The following RUNX2 variants were observed in gnomAD, a reference collection of about 807,000 sequenced individuals.
RUNX2 encodes runt-related transcription factor 2.
Under a neutral mutation model 51.7 loss-of-function variants are expected in RUNX2, and 10 were observed. The observed-to-expected ratio is 0.19, with a 90% confidence interval of 0.12 to 0.33. RUNX2 has a LOEUF of 0.33. Ranked by LOEUF, RUNX2 falls within the 10% of genes least tolerant of loss-of-function variation. RUNX2 has a pLI of 1.00. For missense variants in RUNX2, 562 were observed against 691.3 expected (o/e 0.81, Z 2.10); for synonymous variants, 276 against 273.6 (o/e 1.01, Z -0.09).
chr6:45,454,243 C>T (rs1799257442), intron 5 of RUNX2, among the ~76,000 whole-genome samples: 1 of 152,180 alleles, frequency 6.6e-6, no homozygotes, highest in African/African-American at 2.4e-5. Flanking sequence ...AACCCACTGT[C>T]AGATATAGGT....
At chr6:45,354,090 C>T (rs1254130672) in intron 2 of RUNX2, among the ~76,000 whole-genome samples, 1 of 152,046 alleles carries the variant, frequency 6.6e-6, no homozygotes, top group Admixed American at 6.6e-5. Flanking sequence ...GATAGAAATA[C>T]ATTAGTTCAA....
chr6:45,412,409 A>G (rs1387947636), intron 2 of RUNX2, among the ~76,000 whole-genome samples: 1 of 152,048 alleles, frequency 6.6e-6, no homozygotes, highest in Non-Finnish European at 1.5e-5. Flanking sequence ...ACTTGCTAAG[A>G]TTCTTTTGTA....
chr6:45,367,911 TTAAAA>T (rs1389950055), intron 2 of RUNX2, among the ~76,000 whole-genome samples: 5 of 152,222 alleles, frequency 3.3e-5, no homozygotes, highest in Admixed American at 6.5e-5. Flanking sequence ...ATTAGACTCT[TTAAAA>T]TAATTATTTC....
intron 3 of RUNX2, among the ~76,000 whole-genome samples, chr6:45,430,079 C>T (rs947114590): frequency 7.0e-6 from 1 of 143,470 alleles, no homozygotes; most frequent in African/African-American, 2.7e-5. Context: ...GGGTGATAGA[C>T]TAAGACTCCA....
chr6:45,496,708 G>A (rs1800660023), intron 6 of RUNX2, among the ~76,000 whole-genome samples: 1 of 152,152 alleles, frequency 6.6e-6, no homozygotes, highest in Non-Finnish European at 1.5e-5. Flanking sequence ...GTGTAGTGGG[G>A]GATGTGAAGC....
intron 7 of RUNX2, among the ~76,000 whole-genome samples, chr6:45,526,415 G>A (rs1801675409): frequency 6.6e-6 from 1 of 152,132 alleles, no homozygotes; most frequent in African/African-American, 2.4e-5. Flanking sequence ...GGAGAAATGA[G>A]AACCTTATAA....
At chr6:45,459,994 G>C (rs183102283) in intron 5 of RUNX2, among the ~76,000 whole-genome samples, 1 of 152,318 alleles carries the variant, frequency 6.6e-6, no homozygotes, top group Non-Finnish European at 1.5e-5. Context: ...AGCAGAGTGA[G>C]TGAATGGGAA....
chr6:45,531,608 C>A (rs745910158), intron 7 of RUNX2, among the ~76,000 whole-genome samples: 1 of 151,932 alleles, frequency 6.6e-6, no homozygotes, highest in African/African-American at 2.4e-5. Context: ...CAAAAATTAG[C>A]CAGGCGTGGT....
chr6:45,450,697 A>G lies in RUNX2; in HGVS notation c.685+12646A>G, dbSNP rs78124557. Among the ~76,000 whole-genome samples, 1,368 of 152,320 alleles carry G rather than the reference A, an allele frequency of 9.0e-3. 21 individuals carry two copies. Among genetic ancestry groups the G allele is most frequent in the African/African-American group, 0.031 (1,280 of 41,578 alleles). ...CAGACCTAAAGGGTGAGAAGAAGCC[A>G]GTTTGAGGAAGAGTTGGGGGAAGAG... is the stretch of plus-strand genomic sequence containing the variant. On this transcript the variant is annotated intron_variant, in intron 5 of 8. Transcript: ENST00000647337.
intron 5 of RUNX2, among the ~76,000 whole-genome samples, chr6:45,484,972 AC>A (rs749886061): frequency 2.0e-5 from 3 of 152,154 alleles, no homozygotes; most frequent in Non-Finnish European, 4.4e-5. Context: ...GATCATTGTC[AC>A]AACATTCTGA....
chr6:45,338,327 TC>T (rs1177377357), intron 2 of RUNX2, among the ~76,000 whole-genome samples: 1 of 149,142 alleles, frequency 6.7e-6, no homozygotes, highest in Admixed American at 6.9e-5. Context: ...TTTGAGCATT[TC>T]CAGATGTAGC....
At position 45,485,697 on chromosome 6, in the gene RUNX2, G is replaced by GTGTATATATATATATA. The variant is rs1219072282; in HGVS notation, c.686-6243_686-6242insGTATATATATATATAT. Among the ~76,000 whole-genome samples the GTGTATATATATATATA allele has an allele frequency of 4.8e-3, 500 of 103,914 alleles. 6 individuals carry two copies. Among genetic ancestry groups the GTGTATATATATATATA allele is most frequent in the African/African-American group, 0.018 (470 of 26,146 alleles). The allele number at this position is 103,914 out of a possible 152,430, so 68.2% of individuals were successfully genotyped here. On this transcript the variant is annotated intron_variant, in intron 5 of 8. Coordinates refer to ENST00000647337, the MANE Select transcript of RUNX2 (RefSeq NM_001024630.4). Reference sequence around the variant, plus strand: ...TATGTGTGTGTGTGTGTGTGTGTGTGTATATATATATATATATATACACAT... The same window carrying GTGTATATATATATATA: ...TATGTGTGTGTGTGTGTGTGTGTGTGTGTATATATATATATATATATATATATATATATATACACAT...
chr6:45,396,609 T>C (rs1797587028), intron 2 of RUNX2, among the ~76,000 whole-genome samples: 1 of 152,196 alleles, frequency 6.6e-6, no homozygotes, highest in African/African-American at 2.4e-5. Context: ...TCTCGCTATG[T>C]TGTTCAGCCT....
At chr6:45,378,656 G>C (rs553875823) in intron 2 of RUNX2, among the ~76,000 whole-genome samples, 227 of 149,338 alleles carry the variant, frequency 1.5e-3, no homozygotes, top group African/African-American at 5.3e-3. Flanking sequence ...TTTTCTACTT[G>C]AAGGCTTTTT....
intron 7 of RUNX2, among the ~76,000 whole-genome samples, chr6:45,517,217 T>A (rs1209991236): frequency 6.6e-6 from 1 of 152,142 alleles, no homozygotes; most frequent in Non-Finnish European, 1.5e-5. Flanking sequence ...GGTCTTGCTC[T>A]ATTGCTCAGG....
Position 45,529,811 on chromosome 6 carries a change from A to G in RUNX2, c.1022-15406A>G, listed in dbSNP as rs933014539. ...AGGCGTGCTTTCTCCCCATGAGCCA[A>G]GAGGTCTGAATCCTGACAATACACA... On this transcript the variant is annotated intron_variant, in intron 7 of 8. Coordinates refer to ENST00000647337, the MANE Select transcript of RUNX2 (RefSeq NM_001024630.4). Among the ~76,000 whole-genome samples the G allele has an allele frequency of 1.4e-3, 206 of 152,324 alleles. 1 individual carries two copies. The highest frequency in any genetic ancestry group is 4.7e-3 in the African/African-American group (195 of 41,578).
intron 2 of RUNX2, among the ~76,000 whole-genome samples, chr6:45,411,755 T>C (rs984040788): frequency 4.6e-5 from 7 of 152,186 alleles, no homozygotes; most frequent in Non-Finnish European, 1.0e-4. Context: ...ATGTTTGTAG[T>C]TATGGGCACA....
At position 45,364,276 on chromosome 6, in the gene RUNX2, AAAGT is replaced by A. The variant is rs1581925405; in HGVS notation, c.58+35497_58+35500del. On this transcript the variant is annotated intron_variant, in intron 2 of 8. Transcript: ENST00000647337. Reference sequence around the variant, plus strand: ...GAACTAAGTGTTTTCAATATTGTATAAAGTAAGTTGATCATGCAATTATAAGACA... The same window carrying A: ...GAACTAAGTGTTTTCAATATTGTATAAAGTTGATCATGCAATTATAAGACA... Among the ~76,000 whole-genome samples the A allele has an allele frequency of 5.9e-5, 9 of 152,308 alleles. No individual in the cohort carries two copies. The East Asian group carries it at 1.7e-3, about 29-fold the overall frequency.
intron 2 of RUNX2, among the ~76,000 whole-genome samples, chr6:45,348,449 T>C (rs1468552668): frequency 6.7e-6 from 1 of 148,438 alleles, no homozygotes; most frequent in African/African-American, 2.5e-5. Context: ...GAAGGCTCAC[T>C]TGAGGTCTAG....
Sources: allele counts gnomAD v4.1 joint callset (sites outside exome capture counted in the v4.1 genomes callset), GRCh38; gene constraint gnomAD v4.1.1; transcripts MANE v1.5; gene names NCBI Gene and HGNC (gene_info 2026-07-23, HGNC 2026-07-21).